The following TBC1D10C variants were observed in gnomAD, a reference collection of about 807,000 sequenced individuals.
TBC1D10C encodes the protein carabin.
TBC1D10C carries 49 observed loss-of-function variants against 51.0 expected under a neutral mutation model. That is an observed-to-expected ratio of 0.96 (90% CI 0.76 to 1.22). The LOEUF (loss-of-function observed/expected upper bound fraction) is 1.22. Ranked by LOEUF, TBC1D10C falls within the 50% of genes most tolerant of loss-of-function variation. The pLI is 0.00. For missense variants in TBC1D10C, 541 were observed against 617.5 expected (o/e 0.88, Z 1.31); for synonymous variants, 281 against 266.7 (o/e 1.05, Z -0.52).
In TBC1D10C at chr11:67,405,706, G is replaced by A. The variant is rs374812891; in HGVS notation, c.467+5G>A. 10 of 1,613,348 alleles carry A rather than the reference G, an allele frequency of 6.2e-6. No individual in the cohort carries two copies. Among genetic ancestry groups the A allele is most frequent in the South Asian group, 2.2e-5 (2 of 91,092 alleles). ...TGTGTCGCCTCAGGGCCACGGGTAC[G>A]AGGCCGGTGATGCCCAGGGACCCCC... is the stretch of plus-strand genomic sequence containing the variant. On this transcript the variant is annotated splice_donor_5th_base_variant and intron_variant, in intron 4 of 8. Coordinates refer to ENST00000542590, the MANE Select transcript of TBC1D10C (RefSeq NM_001369496.1).
intron 8 of TBC1D10C, 57 bp downstream of exon 8, chr11:67,409,190 G>C: frequency 6.6e-7 from 1 of 1,511,850 alleles, no homozygotes; most frequent in Non-Finnish European, 8.9e-7. Context: ...GGGGGAAACT[G>C]AGTCCCAGAG....
chr11:67,407,845 T>C (rs1863252933), intron 7 of TBC1D10C: 1 of 152,324 alleles, frequency 6.6e-6, no homozygotes, highest in East Asian at 1.9e-4. Context: ...ATATGCATAC[T>C]GTGCATACTG....
rs1376533738 is a variant in TBC1D10C at position 67,407,192 on chromosome 11, T to C, written c.838+176T>C. ...CACCCATCACCCAGGCACCGCCTGG[T>C]GCAGAGCTGGGCCAGGGAGGCTTCC... On this transcript the variant is annotated intron_variant, in intron 7 of 8. Coordinates refer to ENST00000542590, the MANE Select transcript of TBC1D10C (RefSeq NM_001369496.1). 7.6e-6 allele frequency: 6 copies of C among 793,932 alleles called. No homozygotes were observed. The Admixed American group carries it at 1.9e-4, about 25-fold the overall frequency. 49.2% of individuals were successfully genotyped at this position (793,932 alleles called of 1,614,324 possible).
rs1304446399 is a variant in TBC1D10C, at chr11:67,409,825, C to T, written c.*71C>T. 41 of 1,332,102 alleles carry T rather than the reference C, an allele frequency of 3.1e-5. No homozygotes were observed. The highest frequency in any genetic ancestry group is 9.5e-5 in the Admixed American group (4 of 41,962). The allele number at this position is 1,332,102 out of a possible 1,614,324, so 82.5% of individuals were successfully genotyped here. A position where few individuals can be genotyped will look rare whatever the true frequency, so the allele number is the denominator to read the frequency against. Reference sequence around the variant, plus strand: ...TGATGCCGGCCCGGCAAATAGGCACCGCACTTTACTCTTGGGACTCGGGGA... The same window carrying T: ...TGATGCCGGCCCGGCAAATAGGCACTGCACTTTACTCTTGGGACTCGGGGA... On this transcript the variant is annotated 3_prime_UTR_variant, in exon 9 of 9. Coordinates refer to ENST00000542590, the MANE Select transcript of TBC1D10C (RefSeq NM_001369496.1).
Position 67,405,525 on chromosome 11 carries a change from G to A in TBC1D10C, c.360+19G>A. The A allele has an allele frequency of 6.2e-7, 1 of 1,613,610 alleles. No homozygotes were observed. The highest frequency in any genetic ancestry group is 8.5e-7 in the Non-Finnish European group (1 of 1,179,882). The stretch of plus-strand genomic sequence containing the variant: ...CTATCAGGTGAGGGAGTGGGCAGGG[G>A]CCCCAATTCCCCTACCCAGAGCCCC... On this transcript the variant is annotated intron_variant, in intron 3 of 8. Transcript: ENST00000542590.
chr11:67,404,460 G>A (rs1412930742), intron 1 of TBC1D10C, 106 bp downstream of exon 1: 17 of 1,249,410 alleles, frequency 1.4e-5, no homozygotes, highest in African/African-American at 7.8e-5. Flanking sequence ...GGGATTGGGA[G>A]GGGGACTCAG....
rs1482694268 is a variant in TBC1D10C at position 67,409,605 on chromosome 11, C to T, written c.1192C>T (p.Pro398Ser). ...KPEVPRIVVQ[P>S]PEEPRPPRRK... is the part of the protein sequence containing the mutation. ...TGAGGTGCCTCGGATTGTGGTGCAG[C>T]CCCCGGAGGAGCCCAGACCACCGCG... is the stretch of plus-strand genomic sequence containing the variant. Residue 398 changes from proline to serine, a missense_variant, in exon 9 of 9, where the codon CCC becomes TCC. Coordinates refer to ENST00000542590, the MANE Select transcript of TBC1D10C (RefSeq NM_001369496.1). 6.4e-7 allele frequency: 1 copy of T among 1,552,392 alleles called. No individual in the cohort carries two copies. The highest frequency in any genetic ancestry group is 1.2e-5 in the South Asian group (1 of 84,600).
At chr11:67,406,461 C>T (rs1304741977) in intron 5 of TBC1D10C, 166 bp from the exon 6 acceptor site, 1 of 640,142 alleles carries the variant, frequency 1.6e-6, no homozygotes, top group Non-Finnish European at 2.7e-6. Flanking sequence ...GAGGAGGGGG[C>T]TTTTGGGAAG....
At chr11:67,407,141 C>T in intron 7 of TBC1D10C, 125 bp downstream of exon 7, 2 of 1,150,060 alleles carry the variant, frequency 1.7e-6, no homozygotes, top group Non-Finnish European at 2.4e-6. Flanking sequence ...AGGTGATGGC[C>T]TGGTGCCTGG....
At chr11:67,404,732 A>G (rs976725610) in intron 1 of TBC1D10C, among the ~76,000 whole-genome samples, 4 of 152,170 alleles carry the variant, frequency 2.6e-5, no homozygotes, top group Non-Finnish European at 5.9e-5. Flanking sequence ...CACACAGATC[A>G]GACACAGACC....
Position 67,405,977 on chromosome 11 carries a change from G to A in TBC1D10C, c.542G>A (p.Gly181Glu). The A allele has an allele frequency of 1.2e-6, 2 of 1,605,384 alleles. No individual in the cohort carries two copies. The highest frequency in any genetic ancestry group is 1.7e-6 in the Non-Finnish European group (2 of 1,177,022). Residue 181 changes from glycine to glutamate, a missense_variant, in exon 5 of 9, where the codon GGG (glycine) becomes GAG (glutamate). Transcript: ENST00000542590. Reference sequence around the variant, plus strand: ...GAGCAGGGCTACTGCCAGGCCCAGGGGCCCGTGGCTGCTGTGCTGCTCATG... The same window carrying A: ...GAGCAGGGCTACTGCCAGGCCCAGGAGCCCGTGGCTGCTGTGCTGCTCATG... Reference protein sequence around the residue: ...RPEQGYCQAQGPVAAVLLMHL... With the variant: ...RPEQGYCQAQEPVAAVLLMHL...
chr11:67,404,720 G>A (rs1480546731), intron 1 of TBC1D10C, among the ~76,000 whole-genome samples: 1 of 152,066 alleles, frequency 6.6e-6, no homozygotes, highest in African/African-American at 2.4e-5. Flanking sequence ...CTTGCCCCAG[G>A]TCACACAGAT....
chr11:67,404,479 A>AC, intron 1 of TBC1D10C, 125 bp downstream of exon 1: 2 of 1,043,850 alleles, frequency 1.9e-6, no homozygotes, highest in South Asian at 3.6e-5. Flanking sequence ...AGCCAGTAGC[A>AC]CCCCTCTGCA....
In TBC1D10C at chr11:67,405,946, C is replaced by G. The variant is rs761636938; in HGVS notation, c.511C>G (p.Arg171Gly). The change falls in exon 5 of 9, where the codon CGA becomes GGA. Residue 171 changes from arginine to glycine, a missense_variant. By Grantham distance (125) the Arg-to-Gly change is moderately radical. Transcript: ENST00000542590. ...GGTGCTCAAGGCCTACACCCTGTAT[C>G]GACCGGAGCAGGGCTACTGCCAGGC... ...LQVLKAYTLY[R>G]PEQGYCQAQG... The G allele has an allele frequency of 6.2e-7, 1 of 1,605,986 alleles. No individual in the cohort carries two copies. Among genetic ancestry groups the G allele is most frequent in the Non-Finnish European group, 8.5e-7 (1 of 1,177,074 alleles).
Position 67,405,178 on chromosome 11 carries a change from C to A in TBC1D10C, c.246C>A (p.Tyr82Ter). ...GGGAGAAAACCATGTCCCGGCGGTA[C>A]AAGAAGGTGAGGGGGGCAGGGGCCC... ...SHWEKTMSRR[Y>*]KKVKMQCRKG... Residue 82 changes from tyrosine (Y) to a stop codon, truncating the protein, a stop_gained, in exon 2 of 9, where the codon TAC becomes TAA. Coordinates refer to ENST00000542590, the MANE Select transcript of TBC1D10C (RefSeq NM_001369496.1). LOFTEE classifies it high-confidence loss of function. 1 of 1,551,294 alleles carries A rather than the reference C, an allele frequency of 6.4e-7. No individual in the cohort carries two copies. The highest frequency in any genetic ancestry group is 8.7e-7 in the Non-Finnish European group (1 of 1,146,862).
intron 3 of TBC1D10C, 33 bp from the exon 4 acceptor site, chr11:67,405,562 A>G (rs2066970138): frequency 6.2e-7 from 1 of 1,613,656 alleles, no homozygotes; most frequent in Admixed American, 1.7e-5. Context: ...CACCACACTG[A>G]ACCCTCACAC....
chr11:67,404,652 C>A (rs1229682081), intron 1 of TBC1D10C, among the ~76,000 whole-genome samples: 4 of 152,132 alleles, frequency 2.6e-5, no homozygotes, highest in Non-Finnish European at 5.9e-5. Context: ...CCCATACCTC[C>A]TCCTTCCCCC....
intron 8 of TBC1D10C, 109 bp from the exon 9 acceptor site, chr11:67,409,298 G>T: frequency 7.2e-7 from 1 of 1,397,116 alleles, no homozygotes; most frequent in South Asian, 1.4e-5. Flanking sequence ...TGGCTCCCCA[G>T]TGAGGCTGTC....
At chr11:67,408,948 G>A (rs1306156064) in intron 7 of TBC1D10C, 31 bp from the exon 8 acceptor site, 7 of 1,527,694 alleles carry the variant, frequency 4.6e-6, no homozygotes, top group Non-Finnish European at 6.1e-6. Flanking sequence ...GGCAGGGCCG[G>A]CCTCCCAGTG....
Sources: allele counts gnomAD v4.1 joint callset (sites outside exome capture counted in the v4.1 genomes callset), GRCh38; gene constraint gnomAD v4.1.1; transcripts MANE v1.5; gene names NCBI Gene and HGNC (gene_info 2026-07-23, HGNC 2026-07-21).